ZBTB38: variants seen among roughly 807,000 people sequenced by gnomAD.
The protein encoded by ZBTB38 is zinc finger and BTB domain containing 38, also known as zinc finger and BTB domain-containing protein 38.
ZBTB38 carries 20 observed loss-of-function variants against 76.8 expected under a neutral mutation model. That is an observed-to-expected ratio of 0.26 (90% CI 0.18 to 0.38). The LOEUF (loss-of-function observed/expected upper bound fraction) is 0.38, where lower values mean the gene tolerates loss of function less well. Ranked by LOEUF, ZBTB38 falls within the 10% of genes least tolerant of loss-of-function variation. ZBTB38 has a pLI of 1.00. For missense variants in ZBTB38, 1,082 were observed against 1,482.3 expected (o/e 0.73, Z 4.43); for synonymous variants, 504 against 544.2 (o/e 0.93, Z 1.03).
At chr3:141,410,655 G>A (rs938277684) in intron 5 of ZBTB38, among the ~76,000 whole-genome samples, 3 of 152,180 alleles carry the variant, frequency 2.0e-5, no homozygotes, top group Non-Finnish European at 2.9e-5. Context: ...CAAAGCTTCC[G>A]GTCCAGTTGG....
chr3:141,446,750 A>G lies in ZBTB38; in HGVS notation c.*774A>G, dbSNP rs1374531450. 6.5e-6 allele frequency: 1 copy of G among 152,688 alleles called. No homozygotes were observed. Among genetic ancestry groups the G allele is most frequent in the African/African-American group, 2.4e-5 (1 of 41,470 alleles). The allele number at this position is 152,688 out of a possible 1,614,324, so 9.5% of individuals were successfully genotyped here. A position where few individuals can be genotyped will look rare whatever the true frequency, so the allele number is the denominator to read the frequency against. ...TTTAGATGGAATGCTGTTCCCTTGA[A>G]GTTATGGCTGAGCTGTTCTTAGAAC... On this transcript the variant is annotated 3_prime_UTR_variant, in exon 6 of 6. Coordinates refer to ENST00000321464, the MANE Select transcript of ZBTB38 (RefSeq NM_001376113.1).
chr3:141,332,597 G>T (rs773935902), intron 1 of ZBTB38, among the ~76,000 whole-genome samples: 1 of 152,098 alleles, frequency 6.6e-6, no homozygotes, highest in Non-Finnish European at 1.5e-5. Flanking sequence ...TATGTAATGG[G>T]TGCTCCATGA....
chr3:141,347,021 T>G (rs1943383833), intron 1 of ZBTB38, among the ~76,000 whole-genome samples: 1 of 152,212 alleles, frequency 6.6e-6, no homozygotes, highest in Non-Finnish European at 1.5e-5. Context: ...CCTCATCAGT[T>G]GTGAAGCCTA....
intron 5 of ZBTB38, among the ~76,000 whole-genome samples, chr3:141,419,987 C>T (rs2074995457): frequency 6.6e-6 from 1 of 151,840 alleles, no homozygotes; most frequent in Admixed American, 6.5e-5. Flanking sequence ...AACTCCGTCT[C>T]AAAAAAAAGT....
chr3:141,352,421 GA>G (rs760485202), intron 1 of ZBTB38, among the ~76,000 whole-genome samples: 10 of 152,098 alleles, frequency 6.6e-5, no homozygotes, highest in Non-Finnish European at 1.3e-4. Flanking sequence ...GAAGGGGTAA[GA>G]TTCAGAGTAT....
chr3:141,330,583 T>C (rs180801296), intron 1 of ZBTB38, among the ~76,000 whole-genome samples: 1 of 152,226 alleles, frequency 6.6e-6, no homozygotes. Flanking sequence ...TGTCAGACAC[T>C]CAGACTCTTT....
chr3:141,334,129 C>T (rs560388840), intron 1 of ZBTB38, among the ~76,000 whole-genome samples: 1 of 152,118 alleles, frequency 6.6e-6, no homozygotes, highest in Admixed American at 6.5e-5. Context: ...ACTAGACAGA[C>T]CATGTGTTTT....
At chr3:141,394,047 T>C (rs769135454) in intron 4 of ZBTB38, among the ~76,000 whole-genome samples, 2 of 151,892 alleles carry the variant, frequency 1.3e-5, no homozygotes, top group Non-Finnish European at 2.9e-5. Context: ...AGTCTTGTTC[T>C]GTTGCCAGGC....
chr3:141,403,022 G>T (rs1196283236), intron 4 of ZBTB38: 4 of 152,228 alleles, frequency 2.6e-5, no homozygotes. Flanking sequence ...GCAGTAGTAA[G>T]GTCTGCTCTG....
At chr3:141,358,251 A>G (rs73238069) in intron 1 of ZBTB38, among the ~76,000 whole-genome samples, 2,300 of 152,314 alleles carry the variant, frequency 0.015, 31 homozygotes, top group Middle Eastern at 0.099. Context: ...GAACATTTGA[A>G]TTGAACCTCA....
In ZBTB38 at chr3:141,355,373, C is replaced by T. The variant is rs565325643; in HGVS notation, c.-738-13248C>T. Among the ~76,000 whole-genome samples the T allele has an allele frequency of 3.0e-4, 46 of 152,186 alleles. 1 individual carries two copies. In the South Asian group the frequency reaches 7.3e-3, roughly 24 times the overall value. On this transcript the variant is annotated intron_variant, in intron 1 of 7. Coordinates refer to the ZBTB38 transcript ENST00000509842. ...CCCCTCCATGGGCATGTACAGGAGC[C>T]CTAGTCTTTCACATGCCCAGAGAAA... is the stretch of plus-strand genomic sequence containing the variant.
At position 141,448,467 on chromosome 3, in the gene ZBTB38, T is replaced by C. The variant is rs772293028; in HGVS notation, c.*2491T>C. On this transcript the variant is annotated 3_prime_UTR_variant, in exon 6 of 6. Transcript: ENST00000321464. ...TTTTTTGTTAATTGTGAAAATTTTA[T>C]TGAGTGATGTTTAAGTATGCATTGA... 4 of 152,584 alleles carry C rather than the reference T, an allele frequency of 2.6e-5. No homozygotes were observed. The highest frequency in any genetic ancestry group is 5.9e-5 in the Non-Finnish European group (4 of 68,012). The allele number at this position is 152,584 out of a possible 1,614,324, so 9.5% of individuals were successfully genotyped here.
chr3:141,346,907 C>A (rs548633357), intron 1 of ZBTB38, among the ~76,000 whole-genome samples: 5 of 151,902 alleles, frequency 3.3e-5, no homozygotes, highest in Admixed American at 3.3e-4. Flanking sequence ...CTGTCTACTA[C>A]GAATGTTTTA....
At chr3:141,344,828 CA>C (rs1262294729) in intron 1 of ZBTB38, among the ~76,000 whole-genome samples, 1 of 152,250 alleles carries the variant, frequency 6.6e-6, no homozygotes, top group Non-Finnish European at 1.5e-5. Context: ...TTCCCCACCT[CA>C]AGGTCCATAA....
At chr3:141,401,902 G>GA (rs1019879382) in intron 4 of ZBTB38, among the ~76,000 whole-genome samples, 18 of 152,152 alleles carry the variant, frequency 1.2e-4, no homozygotes, top group African/African-American at 3.1e-4. Context: ...GACGGCCATG[G>GA]AAAAAACACA....
intron 2 of ZBTB38, among the ~76,000 whole-genome samples, chr3:141,376,603 C>T (rs768507932): frequency 6.6e-6 from 1 of 152,208 alleles, no homozygotes; most frequent in East Asian, 1.9e-4. Flanking sequence ...CGGTTCAAGT[C>T]TTCACTATAA....
At chr3:141,427,016 C>CTT (rs140144379) in intron 5 of ZBTB38, among the ~76,000 whole-genome samples, 251 of 147,404 alleles carry the variant, frequency 1.7e-3, no homozygotes, top group Non-Finnish European at 2.7e-3. Context: ...ACCTTCTTGG[C>CTT]TTTTTTTTTT....
At position 141,442,727 on chromosome 3, in the gene ZBTB38, G is replaced by A; in HGVS notation, c.339G>A (p.Lys113=). ...CTGATCTCGCAGCTGCAGGAAAAAA[G>A]CTGGGAATATCGTTCTTGGAAGACC... ...TVTDLAAAGK[K]LGISFLEDLT... Residue 113 remains lysine, a synonymous_variant, in exon 6 of 6, where the codon AAG becomes AAA. Transcript: ENST00000321464. This position sits in a 1 kb window ranked among gnomAD's most constrained non-coding sequence, Gnocchi z 6.4. 1 of 1,614,148 alleles carries A rather than the reference G, an allele frequency of 6.2e-7. No individual in the cohort carries two copies. The highest frequency in any genetic ancestry group is 8.5e-7 in the Non-Finnish European group (1 of 1,180,024).
At chr3:141,420,030 G>A (rs1455100527) in intron 5 of ZBTB38, among the ~76,000 whole-genome samples, 3 of 152,310 alleles carry the variant, frequency 2.0e-5, no homozygotes, top group Non-Finnish European at 2.9e-5. Context: ...ACACAGGAAT[G>A]AGGCTGGGTG....
Sources: allele counts gnomAD v4.1 joint callset (sites outside exome capture counted in the v4.1 genomes callset), GRCh38; gene constraint gnomAD v4.1.1; non-coding constraint Gnocchi (gnomAD v3.1); transcripts MANE v1.5; gene names NCBI Gene and HGNC (gene_info 2026-07-23, HGNC 2026-07-21).